Variants in RPTOR observed in about 807,000 individuals in gnomAD.
RPTOR encodes regulatory associated protein of MTOR complex 1.
RPTOR carries 21 observed loss-of-function variants against 169.9 expected under a neutral mutation model. The observed-to-expected ratio is 0.12, with a 90% CI of 0.09 to 0.18. The LOEUF (loss-of-function observed/expected upper bound fraction) is 0.18, where lower values mean the gene tolerates loss of function less well. Among genes scored for constraint, RPTOR ranks in the 10% least tolerant of loss-of-function variants. The pLI is 1.00. For synonymous variants in RPTOR, 732 were observed against 753.2 expected, an observed-to-expected ratio of 0.97 and a Z score of 0.46; for missense variants, 1,133 against 1,855.9, an observed-to-expected ratio of 0.61 and a Z score of 7.16.
intron 4 of RPTOR, among the ~76,000 whole-genome samples, chr17:80,724,932 C>T (rs747672596): frequency 1.3e-5 from 2 of 152,262 alleles, no homozygotes; most frequent in Non-Finnish European, 2.9e-5. Flanking sequence ...GGGCTTCTTC[C>T]TGCCATGCCT....
chr17:80,737,157 C>G (rs905854368), intron 5 of RPTOR, among the ~76,000 whole-genome samples: 10 of 152,118 alleles, frequency 6.6e-5, no homozygotes, highest in African/African-American at 2.2e-4. Flanking sequence ...TATTCTCTGT[C>G]ATACTGGAGG....
chr17:80,743,506 G>A (rs949095112), intron 5 of RPTOR: 3 of 958,050 alleles, frequency 3.1e-6, no homozygotes, highest in African/African-American at 1.8e-5. Flanking sequence ...CGCGTTCGGA[G>A]TGCTGGGCAT....
At chr17:80,689,367 G>T (rs751561546) in intron 3 of RPTOR, among the ~76,000 whole-genome samples, 5 of 152,210 alleles carry the variant, frequency 3.3e-5, no homozygotes, top group Non-Finnish European at 2.9e-5. Context: ...TAGCAGGGGC[G>T]GAGGACGCCA....
At chr17:80,571,203 A>G (rs2064901489) in intron 1 of RPTOR, among the ~76,000 whole-genome samples, 1 of 152,192 alleles carries the variant, frequency 6.6e-6, no homozygotes, top group Admixed American at 6.5e-5. Context: ...TTATACAGAA[A>G]TCCTCTTTCA....
chr17:80,653,983 G>A (rs1170348111), intron 3 of RPTOR, among the ~76,000 whole-genome samples: 2 of 152,178 alleles, frequency 1.3e-5, no homozygotes. Context: ...ATGCTTCCCT[G>A]GATGGCCAGG....
chr17:80,831,765 C>T (rs1441976506), intron 9 of RPTOR, among the ~76,000 whole-genome samples: 1 of 151,648 alleles, frequency 6.6e-6, no homozygotes, highest in African/African-American at 2.4e-5. Context: ...CACTATGTAT[C>T]CCTGTGTGTC....
At chr17:80,704,421 A>G (rs1489636047) in intron 3 of RPTOR, among the ~76,000 whole-genome samples, 1 of 152,218 alleles carries the variant, frequency 6.6e-6, no homozygotes, top group Admixed American at 6.5e-5. Context: ...AATCCATCAC[A>G]TCAGTGATGA....
intron 5 of RPTOR, among the ~76,000 whole-genome samples, chr17:80,731,256 C>A (rs2066390641): frequency 6.6e-6 from 1 of 152,126 alleles, no homozygotes; most frequent in African/African-American, 2.4e-5. Flanking sequence ...TGATAACATT[C>A]ATAGGGTCGA....
Position 80,878,748 on chromosome 17 carries a change from T to A in RPTOR, c.1510-1667T>A, listed in dbSNP as rs1405610066. 2.0e-5 allele frequency among the ~76,000 whole-genome samples: 3 copies of A among 152,150 alleles called. No individual in the cohort carries two copies. Among genetic ancestry groups the A allele is most frequent in the African/African-American group, 4.8e-5 (2 of 41,430 alleles). On this transcript the variant is annotated intron_variant, in intron 13 of 33. Coordinates refer to ENST00000306801, the MANE Select transcript of RPTOR (RefSeq NM_020761.3). This position sits in a 1 kb window ranked among gnomAD's most constrained non-coding sequence, Gnocchi z 4.1. ...TCAAATCTTGCCCCTTTTCCTCGGG[T>A]TTTGGGCAAATACTTCCCGAAGTAT...
intron 11 of RPTOR, among the ~76,000 whole-genome samples, chr17:80,848,894 T>C (rs2067761871): frequency 6.6e-6 from 1 of 152,264 alleles, no homozygotes; most frequent in African/African-American, 2.4e-5. Flanking sequence ...GGCAGCTTTC[T>C]GATGGTGACG....
intron 3 of RPTOR, among the ~76,000 whole-genome samples, chr17:80,665,852 T>G (rs2065774886): frequency 6.6e-6 from 1 of 152,108 alleles, no homozygotes; most frequent in Non-Finnish European, 1.5e-5. Flanking sequence ...CCCCCAAAAA[T>G]TTTTCTTTAG....
chr17:80,685,644 T>TTTTTTTTTTTTTTTTTTTTTTTTTTTA (rs2065940513), intron 3 of RPTOR, among the ~76,000 whole-genome samples: 1 of 72,292 alleles, frequency 1.4e-5, no homozygotes, highest in Non-Finnish European at 2.8e-5. Context: ...TTTTTTTTTT[T>TTTTTTTTTTTTTTTTTTTTTTTTTTTA]TTTTTTTTTT....
intron 1 of RPTOR, among the ~76,000 whole-genome samples, chr17:80,563,225 T>A (rs879172825): frequency 1.8e-4 from 27 of 152,122 alleles, no homozygotes; most frequent in Non-Finnish European, 3.7e-4. Context: ...TTTTTTTTTT[T>A]AATTTTTATT....
chr17:80,664,151 T>TGGCTGTGG (rs2065745684), intron 3 of RPTOR, among the ~76,000 whole-genome samples: 1 of 152,170 alleles, frequency 6.6e-6, no homozygotes. Flanking sequence ...CAAACCATCT[T>TGGCTGTGG]GGCTGTGGAG....
intron 1 of RPTOR, among the ~76,000 whole-genome samples, chr17:80,615,453 G>A (rs2065302413): frequency 1.3e-5 from 2 of 152,130 alleles, no homozygotes; most frequent in Admixed American, 1.3e-4. Context: ...ATGAACCGTA[G>A]CATAAGAAAT....
intron 6 of RPTOR, among the ~76,000 whole-genome samples, chr17:80,778,040 C>T (rs1397015369): frequency 6.6e-6 from 1 of 152,180 alleles, no homozygotes; most frequent in Non-Finnish European, 1.5e-5. Context: ...AACCTAAGGG[C>T]ATTTGTATCT....
chr17:80,790,721 C>T (rs912194715), intron 6 of RPTOR, among the ~76,000 whole-genome samples: 1 of 152,186 alleles, frequency 6.6e-6, no homozygotes, highest in Non-Finnish European at 1.5e-5. Context: ...CATACTTGCT[C>T]TGCACCTGCC....
At chr17:80,938,589 G>A (rs60278804) in intron 24 of RPTOR, among the ~76,000 whole-genome samples, 29,628 of 152,132 alleles carry the variant, frequency 0.19, 2,982 homozygotes, top group Admixed American at 0.23. Context: ...CCCATTTGCC[G>A]TTGCGGGATT....
rs372595853 is a variant in RPTOR, at chr17:80,962,005, C to T, written c.3693-456C>T. On this transcript the variant is annotated intron_variant, in intron 31 of 33. Coordinates refer to ENST00000306801, the MANE Select transcript of RPTOR (RefSeq NM_020761.3). ...AACCAAACATAACTCTTGGGATGGA[C>T]GCCTGCTGGGGGTGGAAGGCAGGAG... Among the ~76,000 whole-genome samples the T allele has an allele frequency of 3.4e-3, 519 of 152,318 alleles. 6 individuals are homozygous for T. Among genetic ancestry groups the T allele is most frequent in the African/African-American group, 0.012 (485 of 41,568 alleles).
Sources: gnomAD v4.1 joint callset for allele counts (sites outside exome capture counted in the v4.1 genomes callset) on GRCh38, gnomAD v4.1.1 for gene constraint, Gnocchi (gnomAD v3.1) non-coding constraint, MANE v1.5 for transcripts, NCBI Gene and HGNC (gene_info 2026-07-23, HGNC 2026-07-21) for gene names.